The following OTUD7B variants were observed in gnomAD, a reference collection of about 807,000 sequenced individuals.
OTUD7B encodes the protein OTU deubiquitinase 7B, also known as OTU domain-containing protein 7B.
OTUD7B carries 34 observed loss-of-function variants against 82.2 expected under a neutral mutation model. That is an observed-to-expected ratio of 0.41 (90% CI 0.31 to 0.55). The LOEUF is 0.55. OTUD7B is among the 20% of genes least tolerant of loss of function. OTUD7B has a pLI of 0.20. For missense variants in OTUD7B, 944 were observed against 1,062.1 expected, an observed-to-expected ratio of 0.89 and a Z score of 1.55; for synonymous variants, 398 against 402.7, an observed-to-expected ratio of 0.99 and a Z score of 0.14.
intron 7 of OTUD7B, among the ~76,000 whole-genome samples, chr1:149,951,155 T>C (rs1648215705): frequency 6.6e-6 from 1 of 151,826 alleles, no homozygotes; most frequent in Non-Finnish European, 1.5e-5. Context: ...GCTAATTTTT[T>C]TGTATATTTA....
chr1:149,967,209 C>T, intron 4 of OTUD7B, 85 bp downstream of exon 4: 1 of 867,548 alleles, frequency 1.2e-6, no homozygotes, highest in Non-Finnish European at 1.8e-6. Context: ...AAACTGGAAG[C>T]TAGCGATCAA....
chr1:149,946,364 A>G (rs1006308395), intron 11 of OTUD7B, among the ~76,000 whole-genome samples: 3 of 152,124 alleles, frequency 2.0e-5, no homozygotes, highest in Admixed American at 6.5e-5. Flanking sequence ...ATTCCGTCTC[A>G]AAAAATATAT....
chr1:149,976,612 CAAAA>C (rs1650332559), intron 2 of OTUD7B, among the ~76,000 whole-genome samples: 3 of 7,480 alleles, frequency 4.0e-4, no homozygotes, highest in Non-Finnish European at 8.0e-4. Context: ...ACTCCGTCTA[CAAAA>C]AAAAAAAAAA....
upstream of OTUD7B, among the ~76,000 whole-genome samples, chr1:150,012,040 TCAGAGTG>T (rs1226018158): frequency 6.6e-6 from 1 of 152,174 alleles, no homozygotes; most frequent in African/African-American, 2.4e-5. Context: ...GCCAAACAAG[TCAGAGTG>T]CCTTGCATGG....
At chr1:149,977,372 G>T in intron 2 of OTUD7B, 54 bp downstream of exon 2, 1 of 1,292,064 alleles carries the variant, frequency 7.7e-7, no homozygotes, top group Non-Finnish European at 1.1e-6. Flanking sequence ...TCATCCTAAT[G>T]ATAAATACCA....
At chr1:150,066,547 G>A in the OTUD7B span, among the ~76,000 whole-genome samples, 13 of 152,106 alleles carry the variant, frequency 8.5e-5, no homozygotes, top group Non-Finnish European at 1.9e-4. The surrounding 1 kb of genome is among the most constrained non-coding windows in gnomAD (Gnocchi z 4.6). Flanking sequence ...ATAATCTTAA[G>A]CTGATTAATG....
the OTUD7B span, among the ~76,000 whole-genome samples, chr1:150,049,603 CT>C: frequency 7.3e-6 from 1 of 137,526 alleles, no homozygotes; most frequent in African/African-American, 2.7e-5. Flanking sequence ...TGTCTCTAAG[CT>C]TTTATTTTCC....
the OTUD7B span, among the ~76,000 whole-genome samples, chr1:150,046,132 T>A: frequency 6.6e-6 from 1 of 152,202 alleles, no homozygotes; most frequent in Non-Finnish European, 1.5e-5. Context: ...ACAGGATGGC[T>A]TAGATAAGGA....
At chr1:149,984,892 C>A (rs997807145) in intron 1 of OTUD7B, among the ~76,000 whole-genome samples, 4 of 152,162 alleles carry the variant, frequency 2.6e-5, no homozygotes, top group Non-Finnish European at 4.4e-5. Flanking sequence ...CAAATCCCTG[C>A]AAAACCTTCC....
At chr1:149,970,821 T>C (rs1323481034) in intron 3 of OTUD7B, among the ~76,000 whole-genome samples, 1 of 152,176 alleles carries the variant, frequency 6.6e-6, no homozygotes, top group African/African-American at 2.4e-5. Context: ...ATTGTTATCC[T>C]CCTTCCTCTA....
chr1:150,059,767 G>C, the OTUD7B span, among the ~76,000 whole-genome samples: 1 of 152,112 alleles, frequency 6.6e-6, no homozygotes, highest in Non-Finnish European at 1.5e-5. Flanking sequence ...ACTGCCTATG[G>C]AGCAGCCTTG....
At chr1:150,017,493 A>G in the OTUD7B span, among the ~76,000 whole-genome samples, 1 of 152,206 alleles carries the variant, frequency 6.6e-6, no homozygotes, top group Non-Finnish European at 1.5e-5. Context: ...AGCAAGTGCT[A>G]CCTTACCTAA....
In OTUD7B at chr1:149,964,267, C is replaced by CG; in HGVS notation, c.686dup (p.Leu230ValfsTer14). The CG allele has an allele frequency of 6.2e-7, 1 of 1,614,000 alleles. No homozygotes were observed. The highest frequency in any genetic ancestry group is 1.1e-5 in the South Asian group (1 of 91,088). On this transcript the variant is annotated frameshift_variant, in exon 6 of 12. Transcript: ENST00000581312. LOFTEE classifies it high-confidence loss of function. The stretch of plus-strand genomic sequence containing the variant: ...GCTGCCACCTCCAGCGCCTTTTCAA[C>CG]GCTTCCTTCTCAACTCCCTTCTCCA...
intron 1 of OTUD7B, among the ~76,000 whole-genome samples, chr1:149,991,376 T>C (rs1441216978): frequency 5.3e-5 from 8 of 152,198 alleles, no homozygotes; most frequent in Non-Finnish European, 1.0e-4. Flanking sequence ...AAACCAAGTC[T>C]CTTTTATTTA....
the OTUD7B span, among the ~76,000 whole-genome samples, chr1:150,026,291 A>G: frequency 2.6e-5 from 4 of 152,396 alleles, no homozygotes; most frequent in African/African-American, 9.6e-5. Flanking sequence ...TTAAAATTAA[A>G]AATTCTTTTA....
intron 1 of OTUD7B, among the ~76,000 whole-genome samples, chr1:149,983,204 A>C (rs1279186839): frequency 6.6e-6 from 1 of 152,048 alleles, no homozygotes; most frequent in African/African-American, 2.4e-5. Context: ...CAGTCTCTTA[A>C]CCACCTTATT....
At chr1:149,961,940 T>C (rs1220075616) in intron 6 of OTUD7B, 5 of 152,162 alleles carry the variant, frequency 3.3e-5, no homozygotes, top group African/African-American at 1.2e-4. Flanking sequence ...TTGGCTGACA[T>C]TAGTATTAAA....
chr1:149,976,096 T>G (rs1650289561), intron 2 of OTUD7B, among the ~76,000 whole-genome samples: 1 of 152,134 alleles, frequency 6.6e-6, no homozygotes, highest in South Asian at 2.1e-4. Context: ...AACCCTGATC[T>G]TCTGTTTCCA....
intron 7 of OTUD7B, 106 bp from the exon 8 acceptor site, chr1:149,950,327 C>G: frequency 8.7e-7 from 1 of 1,146,714 alleles, no homozygotes; most frequent in East Asian, 2.5e-5. Context: ...AGAAGAATGT[C>G]CTTTCCTGGT....
Sources: allele counts gnomAD v4.1 joint callset (sites outside exome capture counted in the v4.1 genomes callset), GRCh38; gene constraint gnomAD v4.1.1; non-coding constraint Gnocchi (gnomAD v3.1); transcripts MANE v1.5; gene names NCBI Gene and HGNC (gene_info 2026-07-23, HGNC 2026-07-21).